KLHL13: variants seen among roughly 807,000 people sequenced by gnomAD.
KLHL13 encodes kelch like family member 13, also known as kelch-like protein 13.
KLHL13 carries 10 observed loss-of-function variants against 37.1 expected under a neutral mutation model. The ratio of observed to expected loss-of-function variants is 0.27; its 90% CI spans 0.17 to 0.46. The LOEUF (loss-of-function observed/expected upper bound fraction) is 0.46, where lower values mean the gene tolerates loss of function less well. KLHL13 is among the 20% of genes least tolerant of loss of function. The pLI is 1.00. For missense variants in KLHL13, 360 were observed against 509.3 expected, an observed-to-expected ratio of 0.71 and a Z score of 2.82; for synonymous variants, 163 against 181.2, an observed-to-expected ratio of 0.90 and a Z score of 0.81.
chrX:117,948,029 G>C (rs986268975), intron 1 of KLHL13: 1 of 112,030 alleles, frequency 8.9e-6, no homozygotes. Context: ...AATGTGGGGA[G>C]GGGGAGCAGG....
intron 1 of KLHL13, among the ~76,000 whole-genome samples, chrX:118,004,195 G>A (rs1264734031): frequency 8.9e-6 from 1 of 111,857 alleles, no homozygotes; most frequent in East Asian, 2.8e-4. Context: ...GATTAAAATT[G>A]AAGGTATTGG....
intron 1 of KLHL13, among the ~76,000 whole-genome samples, chrX:118,092,960 A>G (rs1290512643): frequency 8.9e-6 from 1 of 111,739 alleles, no homozygotes; most frequent in Non-Finnish European, 1.9e-5. Context: ...TTTAGTCAAA[A>G]CCAGGCTACT....
At chrX:117,959,084 A>AT (rs199530440) in intron 1 of KLHL13, among the ~76,000 whole-genome samples, 18 of 92,085 alleles carry the variant, frequency 2.0e-4, no homozygotes, top group African/African-American at 1.2e-3. Flanking sequence ...ACTGCACATC[A>AT]TTTAAAAAAA....
chrX:118,105,008 C>T (rs185745857), intron 1 of KLHL13, among the ~76,000 whole-genome samples: 78 of 112,351 alleles, frequency 6.9e-4, no homozygotes, highest in African/African-American at 1.8e-3. Flanking sequence ...AAAAGATTGT[C>T]AATTTGTTTT....
intron 1 of KLHL13, among the ~76,000 whole-genome samples, chrX:118,029,202 G>T (rs768255595): frequency 9.0e-6 from 1 of 111,240 alleles, no homozygotes; most frequent in African/African-American, 3.3e-5. Flanking sequence ...AAGTTAGAAG[G>T]GGGGAGTTGA....
At chrX:118,031,868 AG>A (rs2054354214) in intron 1 of KLHL13, among the ~76,000 whole-genome samples, 1 of 108,564 alleles carries the variant, frequency 9.2e-6, no homozygotes, top group African/African-American at 3.4e-5. Context: ...CAGTGGGTGC[AG>A]GCCAGTGGCT....
At chrX:118,114,065 G>T (rs774034982) in intron 1 of KLHL13, among the ~76,000 whole-genome samples, 1 of 111,891 alleles carries the variant, frequency 8.9e-6, no homozygotes, top group Non-Finnish European at 1.9e-5. Context: ...ATAATTCCTG[G>T]AAATTTGTTG....
chrX:118,064,421 T>C (rs2054774714), intron 1 of KLHL13, among the ~76,000 whole-genome samples: 1 of 111,553 alleles, frequency 9.0e-6, no homozygotes, highest in African/African-American at 3.2e-5. Flanking sequence ...AGGTTTAGAA[T>C]ATAAGGTTAA....
chrX:118,089,585 GAAA>G (rs753297666), intron 1 of KLHL13, among the ~76,000 whole-genome samples: 7 of 48,452 alleles, frequency 1.4e-4, no homozygotes, highest in African/African-American at 5.3e-4. Context: ...GAAAAGAAAA[GAAA>G]AGAGAGAGAG....
At chrX:118,023,971 T>A (rs777875450) in intron 1 of KLHL13, among the ~76,000 whole-genome samples, 2 of 112,250 alleles carry the variant, frequency 1.8e-5, no homozygotes, top group Non-Finnish European at 3.8e-5. Context: ...TTCCCATTAT[T>A]TTCTATGTTC....
rs182302427 is a variant in KLHL13 at position 118,016,275 on chromosome X, T to C, written c.-55-70700A>G. Among the ~76,000 whole-genome samples, 3 of 111,778 alleles carry C rather than the reference T, an allele frequency of 2.7e-5. No homozygotes were observed. The East Asian group carries it at 8.4e-4, about 31-fold the overall frequency. ...GAATGACCTGATTCCCAGCCCTGTA[T>C]TCCCTTGACATTCTACACCATGAAG... On this transcript the variant is annotated intron_variant, in intron 1 of 6. Transcript: ENST00000371882.
At chrX:118,048,618 T>C (rs1055480624) in intron 1 of KLHL13, among the ~76,000 whole-genome samples, 3 of 112,157 alleles carry the variant, frequency 2.7e-5, no homozygotes, top group African/African-American at 9.7e-5. Context: ...GTAGAAAATA[T>C]TATTTCTGCC....
At chrX:118,005,903 T>C (rs751673483) in intron 1 of KLHL13, among the ~76,000 whole-genome samples, 2 of 112,398 alleles carry the variant, frequency 1.8e-5, no homozygotes, top group East Asian at 5.6e-4. Context: ...ATTTTAGCAG[T>C]CTTTTCTAGG....
chrX:118,020,664 A>G (rs1282723310), intron 1 of KLHL13, among the ~76,000 whole-genome samples: 2 of 110,791 alleles, frequency 1.8e-5, no homozygotes, highest in Non-Finnish European at 3.8e-5. Context: ...AGGATTATAG[A>G]TCATGCTGCT....
intron 1 of KLHL13, among the ~76,000 whole-genome samples, chrX:118,094,364 A>C (rs779015152): frequency 5.4e-5 from 6 of 111,574 alleles, no homozygotes; most frequent in African/African-American, 1.6e-4. Context: ...GAAATGAACA[A>C]AGCCTTCAAG....
chrX:117,935,998 A>G (rs1486262510), intron 2 of KLHL13, among the ~76,000 whole-genome samples: 1 of 111,765 alleles, frequency 8.9e-6, no homozygotes, highest in African/African-American at 3.2e-5. Flanking sequence ...TGGTATGTGA[A>G]TCATATCTCA....
At chrX:118,004,339 C>T (rs1258710797) in intron 1 of KLHL13, among the ~76,000 whole-genome samples, 1 of 111,885 alleles carries the variant, frequency 8.9e-6, no homozygotes, top group African/African-American at 3.2e-5. Flanking sequence ...AACAGCAATA[C>T]TGGAATAGCA....
intron 1 of KLHL13, among the ~76,000 whole-genome samples, chrX:117,953,255 G>A (rs1933726693): frequency 9.0e-6 from 1 of 110,907 alleles, no homozygotes; most frequent in African/African-American, 3.3e-5. Flanking sequence ...GTCCTTTGTA[G>A]GGACATGGAT....
Position 118,103,299 on chromosome X carries a change from G to C in KLHL13, c.-56+13209C>G, listed in dbSNP as rs186595019. The stretch of plus-strand genomic sequence containing the variant: ...TTAATTGATTTTATCCTACCTACTA[G>C]CTGTGAGATCACCACACCTTTTGCC... On this transcript the variant is annotated intron_variant, in intron 1 of 6. Coordinates refer to the KLHL13 transcript ENST00000371882. Among the ~76,000 whole-genome samples the C allele has an allele frequency of 1.5e-4, 17 of 111,277 alleles. No homozygotes were observed. In the East Asian group the frequency reaches 4.8e-3, roughly 31 times the overall value.
Sources: gnomAD v4.1 joint callset for allele counts (sites outside exome capture counted in the v4.1 genomes callset) on GRCh38, gnomAD v4.1.1 for gene constraint, MANE v1.5 for transcripts, NCBI Gene and HGNC (gene_info 2026-07-23, HGNC 2026-07-21) for gene names.